The following ANO5 variants were observed in gnomAD, a reference collection of about 807,000 sequenced individuals.
ANO5 encodes the protein anoctamin 5, also known as anoctamin-5.
ANO5 carries 109 observed loss-of-function variants against 121.0 expected under a neutral mutation model. The ratio of observed to expected loss-of-function variants is 0.90; its 90% CI spans 0.77 to 1.06. The LOEUF is 1.06. Among genes scored for constraint, ANO5 ranks in the 50% least tolerant of loss-of-function variants. ANO5 has a pLI of 0.00. For synonymous variants in ANO5, 406 were observed against 359.9 expected, an observed-to-expected ratio of 1.13 and a Z score of -1.45; for missense variants, 1,064 against 1,078.5, an observed-to-expected ratio of 0.99 and a Z score of 0.19.
intron 17 of ANO5, among the ~76,000 whole-genome samples, chr11:22,269,984 A>C (rs1854549382): frequency 6.6e-6 from 1 of 152,228 alleles, no homozygotes; most frequent in Non-Finnish European, 1.5e-5. Context: ...TCATGACAGC[A>C]TCAGGATTAG....
rs755490355 is a variant in ANO5 at position 22,276,163 on chromosome 11, C to T, written c.2484C>T (p.Val828=). 1.2e-5 allele frequency: 19 copies of T among 1,611,230 alleles called. No individual in the cohort carries two copies. The East Asian group carries it at 1.3e-4, about 11-fold the overall frequency. Residue 828 remains valine (V), a synonymous_variant, in exon 21 of 22, where the codon GTC becomes GTT. Coordinates refer to ENST00000324559, the MANE Select transcript of ANO5 (RefSeq NM_213599.3). ...TTCATAATATGCAATTCTGGCATGT[C>T]CTTGCTGCCAAGATGACCTTCATCA... ...KYFHNMQFWH[V]LAAKMTFIIV... is the part of the protein sequence containing the mutation.
At chr11:22,269,474 GAAAAGAAAGGAAAGAA>G (rs1233567818) in intron 17 of ANO5, among the ~76,000 whole-genome samples, 1 of 50,422 alleles carries the variant, frequency 2.0e-5, no homozygotes, top group African/African-American at 9.2e-5. Flanking sequence ...GGAGAAAAAA[GAAAAGAAAGGAAAGAA>G]AAAAGAAAAG....
At chr11:22,223,321 G>T (rs1368042137) in intron 5 of ANO5, among the ~76,000 whole-genome samples, 2 of 152,062 alleles carry the variant, frequency 1.3e-5, no homozygotes, top group Non-Finnish European at 2.9e-5. Flanking sequence ...CCAGGAGTAA[G>T]CTTGTGAGAA....
chr11:22,275,085 A>T (rs1046733298), intron 20 of ANO5, among the ~76,000 whole-genome samples: 4 of 152,046 alleles, frequency 2.6e-5, no homozygotes, highest in Non-Finnish European at 5.9e-5. Flanking sequence ...AATAATCTAT[A>T]GATCATACAA....
chr11:22,226,376 G>A (rs544626113), intron 6 of ANO5, among the ~76,000 whole-genome samples: 14 of 152,206 alleles, frequency 9.2e-5, no homozygotes, highest in Admixed American at 8.5e-4. Context: ...TAACCAGGCT[G>A]TCTTGCAGCA....
chr11:22,279,016 C>G (rs188131618), intron 21 of ANO5, among the ~76,000 whole-genome samples: 1 of 151,752 alleles, frequency 6.6e-6, no homozygotes, highest in Admixed American at 6.6e-5. Flanking sequence ...TGAAAGAATA[C>G]CTGGATACAG....
rs371818511 is a variant in ANO5 at position 22,249,905 on chromosome 11, C to T, written c.879-332C>T. ...GAATATTCTGTAGTTTATTTAAAAA[C>T]CATTTAAATTCTCTTTATAATACAG... On this transcript the variant is annotated intron_variant, in intron 9 of 21. Coordinates refer to ENST00000324559, the MANE Select transcript of ANO5 (RefSeq NM_213599.3). Among the ~76,000 whole-genome samples the T allele has an allele frequency of 2.6e-5, 4 of 152,128 alleles. No individual in the cohort carries two copies. In the South Asian group the frequency reaches 8.3e-4, roughly 31 times the overall value.
chr11:22,203,223 T>C (rs907851866), intron 1 of ANO5, among the ~76,000 whole-genome samples: 1 of 152,188 alleles, frequency 6.6e-6, no homozygotes, highest in African/African-American at 2.4e-5. Flanking sequence ...TTTTTCAAGT[T>C]GGAACCACTA....
At position 22,241,269 on chromosome 11, in the gene ANO5, C is replaced by T. The variant is rs368513862; in HGVS notation, c.878+1585C>T. 1.1e-3 allele frequency among the ~76,000 whole-genome samples: 8 copies of T among 6,992 alleles called. No individual in the cohort carries two copies. The African/African-American group carries it at 0.014, about 12-fold the overall frequency. The allele number at this position is 6,992 out of a possible 152,430, so 4.6% of individuals were successfully genotyped here. ...CCACTTACAAGTGGTTTATATATACCACGTTTTATTTATCTGCTCCACCAT... is the reference window on the plus strand; with the variant it reads ...CCACTTACAAGTGGTTTATATATACTACGTTTTATTTATCTGCTCCACCAT... On this transcript the variant is annotated intron_variant, in intron 9 of 21. Transcript: ENST00000324559.
At chr11:22,265,839 T>C (rs1319834270) in intron 17 of ANO5, among the ~76,000 whole-genome samples, 1 of 152,122 alleles carries the variant, frequency 6.6e-6, no homozygotes, top group Non-Finnish European at 1.5e-5. Flanking sequence ...TTTTAAGGCT[T>C]ACTACAAACT....
chr11:22,197,743 C>T (rs1280924928), intron 1 of ANO5, among the ~76,000 whole-genome samples: 3 of 152,162 alleles, frequency 2.0e-5, no homozygotes, highest in Non-Finnish European at 4.4e-5. Context: ...AAACTCAAGA[C>T]TCAGTCTTTA....
intron 21 of ANO5, among the ~76,000 whole-genome samples, chr11:22,276,597 G>C (rs7949436): frequency 0.021 from 3,148 of 151,824 alleles, 107 homozygotes; most frequent in African/African-American, 0.072. Flanking sequence ...GCAAAAATAA[G>C]TAGCTGGCTT....
At chr11:22,277,497 G>C (rs1854906857) in intron 21 of ANO5, among the ~76,000 whole-genome samples, 1 of 151,102 alleles carries the variant, frequency 6.6e-6, no homozygotes, top group African/African-American at 2.4e-5. Context: ...GTCCATCAGA[G>C]TTTTGATTAA....
In ANO5 at chr11:22,221,014, A is replaced by G. The variant is rs1590236109; in HGVS notation, c.181-83A>G. The G allele has an allele frequency of 5.9e-6, 6 of 1,013,344 alleles. No individual in the cohort carries two copies. The East Asian group carries it at 1.6e-4, about 26-fold the overall frequency. 62.8% of individuals were successfully genotyped at this position (1,013,344 alleles called of 1,614,324 possible). A position where few individuals can be genotyped will look rare whatever the true frequency, so the allele number is the denominator to read the frequency against. ...TCTGGTTATTTGTCTTGATTTGACT[A>G]AATTATAAATAATTCCTTTTGTGCT... On this transcript the variant is annotated intron_variant, in intron 4 of 21. Transcript: ENST00000324559.
chr11:22,208,214 C>T (rs761788830), intron 2 of ANO5, among the ~76,000 whole-genome samples: 13 of 151,982 alleles, frequency 8.6e-5, no homozygotes, highest in Admixed American at 1.3e-4. Flanking sequence ...TATATTCATA[C>T]GCAAAACCTA....
chr11:22,247,505 G>T (rs1343636800), intron 9 of ANO5, among the ~76,000 whole-genome samples: 2 of 152,234 alleles, frequency 1.3e-5, no homozygotes, highest in South Asian at 2.1e-4. Flanking sequence ...GGAAGGAGAG[G>T]AGACTATGAA....
intron 3 of ANO5, among the ~76,000 whole-genome samples, chr11:22,212,861 A>G (rs1161337764): frequency 1.3e-5 from 2 of 148,412 alleles, no homozygotes; most frequent in Admixed American, 6.7e-5. Context: ...CTCTTTATAT[A>G]TATTTATTGT....
intron 16 of ANO5, 80 bp downstream of exon 16, chr11:22,262,378 C>G: frequency 6.8e-7 from 1 of 1,480,770 alleles, no homozygotes; most frequent in Non-Finnish European, 9.3e-7. Context: ...AGCACTGATT[C>G]ACATGCTAAA....
chr11:22,233,494 T>A (rs1033390065), intron 7 of ANO5, among the ~76,000 whole-genome samples: 6 of 152,084 alleles, frequency 3.9e-5, no homozygotes, highest in African/African-American at 1.4e-4. Context: ...AGTCTTTCCC[T>A]GAGGAACTGA....
Sources: allele counts gnomAD v4.1 joint callset (sites outside exome capture counted in the v4.1 genomes callset), GRCh38; gene constraint gnomAD v4.1.1; transcripts MANE v1.5; gene names NCBI Gene and HGNC (gene_info 2026-07-23, HGNC 2026-07-21).